Variants in TLR6 observed in about 807,000 individuals in gnomAD.
The protein encoded by TLR6 is toll like receptor 6, also known as toll-like receptor 6.
Under a neutral mutation model 16.1 loss-of-function variants are expected in TLR6, and 9 were observed. That is an observed-to-expected ratio of 0.56 (90% confidence interval 0.34 to 0.98). TLR6 has a LOEUF of 0.98. TLR6 is among the 50% of genes least tolerant of loss of function. The pLI, the probability that TLR6 is intolerant of heterozygous loss-of-function variation, is 0.02. For synonymous variants in TLR6, 340 were observed against 338.6 expected, an observed-to-expected ratio of 1.00 and a Z score of -0.04; for missense variants, 786 against 921.0, an observed-to-expected ratio of 0.85 and a Z score of 1.90.
chr4:38,862,078 C>A, the TLR6 span, among the ~76,000 whole-genome samples: 1 of 152,226 alleles, frequency 6.6e-6, no homozygotes, highest in East Asian at 1.9e-4. Context: ...CCACATCTTC[C>A]CCTGAAATTC....
chr4:38,845,088 G>T (rs896738410), intron 1 of TLR6, among the ~76,000 whole-genome samples: 2 of 152,154 alleles, frequency 1.3e-5, no homozygotes, highest in East Asian at 3.8e-4. Context: ...ATAGTCAAAA[G>T]GGTGGCTTGT....
At chr4:38,857,572 C>A (rs1713040725), upstream of TLR6, among the ~76,000 whole-genome samples, 1 of 152,054 alleles carries the variant, frequency 6.6e-6, no homozygotes, top group South Asian at 2.1e-4. Flanking sequence ...TCTTGCTTAA[C>A]TGAGTTCTGC....
chr4:38,848,008 T>A (rs1279963694), intron 1 of TLR6, among the ~76,000 whole-genome samples: 2 of 152,042 alleles, frequency 1.3e-5, no homozygotes, highest in African/African-American at 4.8e-5. Flanking sequence ...CTGACCCCCA[T>A]GTAGCCTAAC....
At chr4:38,847,834 C>G (rs1021489658) in intron 1 of TLR6, among the ~76,000 whole-genome samples, 1 of 152,244 alleles carries the variant, frequency 6.6e-6, no homozygotes, top group Non-Finnish European at 1.5e-5. Context: ...GCCTGCCTGC[C>G]TCTGTAGACT....
chr4:38,827,808 G>A, exon 2 of TLR6: 1 of 1,614,206 alleles, frequency 6.2e-7, no homozygotes, highest in Non-Finnish European at 8.5e-7. Flanking sequence ...TAAGAATCAG[G>A]CCAGCCCTCT....
intron 1 of TLR6, among the ~76,000 whole-genome samples, chr4:38,856,379 TAATA>T (rs1396190085): frequency 5.3e-5 from 8 of 152,156 alleles, no homozygotes; most frequent in African/African-American, 1.9e-4. Context: ...TAAAAACATA[TAATA>T]AATAGGTGCC....
chr4:38,865,000 A>C, the TLR6 span, among the ~76,000 whole-genome samples: 3 of 152,316 alleles, frequency 2.0e-5, no homozygotes, highest in African/African-American at 7.2e-5. Flanking sequence ...ACAGAGTAAG[A>C]CCTCATTCCT....
chr4:38,847,338 T>A (rs1712571905), intron 1 of TLR6, among the ~76,000 whole-genome samples: 1 of 152,048 alleles, frequency 6.6e-6, no homozygotes, highest in Non-Finnish European at 1.5e-5. Flanking sequence ...ACAGCTCCAG[T>A]CTATAGCTCT....
intron 1 of TLR6, among the ~76,000 whole-genome samples, chr4:38,847,980 G>C (rs1393238286): frequency 6.6e-6 from 1 of 152,228 alleles, no homozygotes; most frequent in African/African-American, 2.4e-5. Flanking sequence ...TGGACAGACT[G>C]CCTCCTCAAG....
At chr4:38,855,270 A>G (rs565621594) in intron 1 of TLR6, among the ~76,000 whole-genome samples, 3 of 152,178 alleles carry the variant, frequency 2.0e-5, no homozygotes, top group Admixed American at 2.0e-4. Flanking sequence ...AAATATGATT[A>G]AAACCTGACA....
Position 38,847,402 on chromosome 4 carries a change from G to A in TLR6, c.-65+9359C>T, listed in dbSNP as rs550597382. Among the ~76,000 whole-genome samples, 25 of 152,186 alleles carry A rather than the reference G, an allele frequency of 1.6e-4. No individual in the cohort carries two copies. In the South Asian group the frequency reaches 1.9e-3, roughly 11 times the overall value. On this transcript the variant is annotated intron_variant, in intron 1 of 1. Coordinates refer to ENST00000436693, the Ensembl canonical transcript of TLR6. ...TTTCTGCATTTCCAGCTGAGGTACC[G>A]GGTTCATCTCACTGGGGCCCGTCGG...
At chr4:38,858,860 AAAG>A (rs1713121627), upstream of TLR6, among the ~76,000 whole-genome samples, 1 of 134,390 alleles carries the variant, frequency 7.4e-6, no homozygotes, top group Non-Finnish European at 1.6e-5. Flanking sequence ...AGAAAGAAAG[AAAG>A]AAAGAAAGAA....
At chr4:38,834,509 C>T (rs1439200884) in intron 1 of TLR6, among the ~76,000 whole-genome samples, 2 of 151,988 alleles carry the variant, frequency 1.3e-5, no homozygotes, top group Admixed American at 1.3e-4. Flanking sequence ...CCAGGTCTTA[C>T]AAGAGGTATA....
At chr4:38,827,716 C>T in exon 2 of TLR6, 1 of 1,614,218 alleles carries the variant, frequency 6.2e-7, no homozygotes, top group Non-Finnish European at 8.5e-7. Flanking sequence ...TGACGATCAG[C>T]AGAGTTATGT....
chr4:38,850,953 C>A (rs545580262), intron 1 of TLR6, among the ~76,000 whole-genome samples: 1 of 152,124 alleles, frequency 6.6e-6, no homozygotes, highest in Non-Finnish European at 1.5e-5. Context: ...ACCAATATCC[C>A]TGATGAACAT....
upstream of TLR6, among the ~76,000 whole-genome samples, chr4:38,858,812 AGG>A (rs1560274604): frequency 4.4e-3 from 466 of 106,842 alleles, 5 homozygotes; most frequent in East Asian, 0.024. Context: ...AGAGAGAGAG[AGG>A]GAGAGAGAGA....
exon 1 of TLR6, chr4:38,856,785 G>A (rs187466627): frequency 6.6e-6 from 1 of 152,280 alleles, no homozygotes; most frequent in East Asian, 1.9e-4. Context: ...CAGAAGAAGA[G>A]AAAATAACTT....
chr4:38,855,211 C>CAA (rs3042439), intron 1 of TLR6, among the ~76,000 whole-genome samples: 4,020 of 108,650 alleles, frequency 0.037, 161 homozygotes, highest in East Asian at 0.12. Context: ...GACTCCGTCT[C>CAA]AAAAAAAAAA....
chr4:38,862,590 ATTTTTT>A, the TLR6 span, among the ~76,000 whole-genome samples: 12 of 73,714 alleles, frequency 1.6e-4, no homozygotes, highest in African/African-American at 6.8e-4. Context: ...CCCAATCACC[ATTTTTT>A]TTTTTTTTTT....
Sources: gnomAD v4.1 joint callset for allele counts (sites outside exome capture counted in the v4.1 genomes callset) on GRCh38, gnomAD v4.1.1 for gene constraint, MANE v1.5 for transcripts, NCBI Gene and HGNC (gene_info 2026-07-23, HGNC 2026-07-21) for gene names.